Variants in DIP2C observed in about 807,000 individuals in gnomAD.
DIP2C encodes disco-interacting protein 2 homolog C.
Under a neutral mutation model 192.4 loss-of-function variants are expected in DIP2C, and 33 were observed. The observed-to-expected ratio is 0.17, with a 90% CI of 0.13 to 0.23. The LOEUF (loss-of-function observed/expected upper bound fraction) is 0.23. DIP2C is among the 10% of genes least tolerant of loss of function. DIP2C has a pLI of 1.00. For synonymous variants in DIP2C, 979 were observed against 864.1 expected, an observed-to-expected ratio of 1.13 and a Z score of -2.33; for missense variants, 1,537 against 2,110.1, an observed-to-expected ratio of 0.73 and a Z score of 5.32.
At chr10:417,823 C>CCTCCCT in intron 6 of DIP2C, among the ~76,000 whole-genome samples, 1 of 35,460 alleles carries the variant, frequency 2.8e-5, no homozygotes, top group Admixed American at 2.9e-4. Context: ...TGTCAGGGCG[C>CCTCCCT]GGACAGGCCT....
intron 13 of DIP2C, among the ~76,000 whole-genome samples, chr10:388,742 T>C (rs1485475791): frequency 6.6e-6 from 1 of 152,094 alleles, no homozygotes; most frequent in African/African-American, 2.4e-5. Flanking sequence ...ATAATAAAAA[T>C]AGTAGAAAAA....
At chr10:512,525 A>T (rs1820381586) in intron 1 of DIP2C, among the ~76,000 whole-genome samples, 1 of 152,226 alleles carries the variant, frequency 6.6e-6, no homozygotes, top group African/African-American at 2.4e-5. Context: ...TGAAGGCTGC[A>T]GTCAGCCAAG....
intron 7 of DIP2C, 90 bp from the exon 8 acceptor site, chr10:414,200 T>C (rs1965384254): frequency 1.4e-6 from 2 of 1,409,546 alleles, no homozygotes; most frequent in Non-Finnish European, 1.9e-6. Flanking sequence ...CCAAGAGATT[T>C]ATACTTAAGC....
intron 1 of DIP2C, among the ~76,000 whole-genome samples, chr10:545,863 C>G (rs1848259292): frequency 1.3e-5 from 2 of 152,212 alleles, no homozygotes; most frequent in African/African-American, 2.4e-5. Flanking sequence ...CAACCTTTCT[C>G]CATCAACAGA....
intron 36 of DIP2C, among the ~76,000 whole-genome samples, chr10:280,389 CAGTT>C (rs1276045140): frequency 6.6e-6 from 1 of 152,180 alleles, no homozygotes; most frequent in Admixed American, 6.5e-5. Context: ...AGGTGCCCCT[CAGTT>C]AGCACCCGGT....
chr10:589,283 ATG>A (rs1419875155), intron 1 of DIP2C, among the ~76,000 whole-genome samples: 6 of 152,140 alleles, frequency 3.9e-5, no homozygotes, highest in South Asian at 2.1e-4. Flanking sequence ...TCTGCAGAAA[ATG>A]TGTCTCTTCA....
chr10:422,764 T>C, intron 5 of DIP2C, 60 bp downstream of exon 5: 2 of 1,546,464 alleles, frequency 1.3e-6, no homozygotes, highest in East Asian at 2.3e-5. Flanking sequence ...AAACAGAGAA[T>C]GTGCACACAC....
chr10:600,909 T>G (rs1335996020), intron 1 of DIP2C, among the ~76,000 whole-genome samples: 1 of 120,288 alleles, frequency 8.3e-6, no homozygotes, highest in East Asian at 2.1e-4. Context: ...GAACTTAGGT[T>G]TTCCAAAGCT....
Position 689,091 on chromosome 10 carries a change from C to A in DIP2C, c.85+403G>T, listed in dbSNP as rs1479367274. On this transcript the variant is annotated intron_variant, in intron 1 of 36. Coordinates refer to ENST00000280886, the MANE Select transcript of DIP2C (RefSeq NM_014974.3). The surrounding 1 kb of genome is among the most constrained non-coding windows in gnomAD (Gnocchi z 6.1). ...CGCAGAGCGCACGGGAAGGCCGATC[C>A]CGCCGGGCCCGCTGCATCCTGCGTC... 6.6e-6 allele frequency among the ~76,000 whole-genome samples: 1 copy of A among 151,876 alleles called. No homozygotes were observed. Among genetic ancestry groups the A allele is most frequent in the Non-Finnish European group, 1.5e-5 (1 of 67,924 alleles).
intron 9 of DIP2C, among the ~76,000 whole-genome samples, chr10:400,368 G>A (rs956158297): frequency 2.0e-5 from 3 of 152,174 alleles, no homozygotes; most frequent in Admixed American, 6.5e-5. Flanking sequence ...GTATCTTGAC[G>A]AAGAACAATT....
At chr10:658,258 A>C (rs1379382481) in intron 1 of DIP2C, among the ~76,000 whole-genome samples, 38 of 93,424 alleles carry the variant, frequency 4.1e-4, no homozygotes, top group Admixed American at 7.9e-4. Context: ...GCTGGACCTG[A>C]TGCTGGACCT....
At chr10:601,877 G>T (rs541404245) in intron 1 of DIP2C, among the ~76,000 whole-genome samples, 1 of 152,194 alleles carries the variant, frequency 6.6e-6, no homozygotes, top group African/African-American at 2.4e-5. Flanking sequence ...TCAGGCTCGG[G>T]TAAGGAGAGA....
chr10:422,447 G>A (rs974953809), intron 5 of DIP2C, among the ~76,000 whole-genome samples: 5 of 152,180 alleles, frequency 3.3e-5, no homozygotes, highest in South Asian at 2.1e-4. Flanking sequence ...AGACAGCAGC[G>A]TCAAGCAGCT....
At chr10:462,230 A>G (rs911278842) in intron 3 of DIP2C, among the ~76,000 whole-genome samples, 1 of 152,206 alleles carries the variant, frequency 6.6e-6, no homozygotes, top group Non-Finnish European at 1.5e-5. Context: ...AAAAAAATCA[A>G]TGAATCCAGG....
At chr10:411,820 C>T (rs1403839593) in intron 8 of DIP2C, among the ~76,000 whole-genome samples, 4 of 152,228 alleles carry the variant, frequency 2.6e-5, no homozygotes, top group South Asian at 2.1e-4. Flanking sequence ...TCTACGTTAG[C>T]GTTTCTACGC....
chr10:461,499 A>G (rs1051358247), intron 3 of DIP2C, among the ~76,000 whole-genome samples: 12 of 152,238 alleles, frequency 7.9e-5, no homozygotes, highest in African/African-American at 2.9e-4. Flanking sequence ...TCCTAAATAT[A>G]TACATACCCA....
Position 382,781 on chromosome 10 carries a change from A to G in DIP2C, c.1877-20T>C, listed in dbSNP as rs1160992110. 2 of 1,538,246 alleles carry G rather than the reference A, an allele frequency of 1.3e-6. No individual in the cohort carries two copies. Among genetic ancestry groups the G allele is most frequent in the East Asian group, 2.3e-5 (1 of 44,130 alleles). On this transcript the variant is annotated intron_variant, in intron 16 of 36. Coordinates refer to ENST00000280886, the MANE Select transcript of DIP2C (RefSeq NM_014974.3). The stretch of plus-strand genomic sequence containing the variant: ...TAGACCCTAGAGTGAAAGAGGGACA[A>G]TGATCAGACAGCTGAAGCACTGTGA...
At chr10:576,380 C>T (rs1390413690) in intron 1 of DIP2C, among the ~76,000 whole-genome samples, 2 of 152,224 alleles carry the variant, frequency 1.3e-5, no homozygotes, top group Non-Finnish European at 1.5e-5. Context: ...GTTCAGGGTA[C>T]AGGAGTCAGA....
chr10:521,091 T>C (rs918194672), intron 1 of DIP2C, among the ~76,000 whole-genome samples: 6 of 152,258 alleles, frequency 3.9e-5, no homozygotes, highest in South Asian at 4.1e-4. Flanking sequence ...ACAAATGTAA[T>C]GTATACATTA....
Sources: allele counts gnomAD v4.1 joint callset (sites outside exome capture counted in the v4.1 genomes callset), GRCh38; gene constraint gnomAD v4.1.1; non-coding constraint Gnocchi (gnomAD v3.1); transcripts MANE v1.5; gene names NCBI Gene and HGNC (gene_info 2026-07-23, HGNC 2026-07-21).